CDH12: variants seen among roughly 807,000 people sequenced by gnomAD.
CDH12 encodes the protein cadherin-12.
Under a neutral mutation model 74.1 loss-of-function variants are expected in CDH12, and 41 were observed. The observed-to-expected ratio is 0.55, with a 90% confidence interval of 0.43 to 0.72. CDH12 has a LOEUF of 0.72. Among genes scored for constraint, CDH12 ranks in the 30% least tolerant of loss-of-function variants. CDH12 has a pLI of 0.00. For synonymous variants in CDH12, 399 were observed against 355.0 expected (o/e 1.12, Z -1.39); for missense variants, 945 against 977.2 (o/e 0.97, Z 0.44).
intron 1 of CDH12, among the ~76,000 whole-genome samples, chr5:22,698,733 ATAGTGTGT>A (rs1554059929): frequency 0.022 from 145 of 6,730 alleles, 30 homozygotes; most frequent in South Asian, 0.026. Context: ...ATATATATAT[ATAGTGTGT>A]GTGTGTGTGT....
chr5:22,343,183 G>C (rs1739950589), intron 3 of CDH12, among the ~76,000 whole-genome samples: 1 of 151,410 alleles, frequency 6.6e-6, no homozygotes, highest in African/African-American at 2.4e-5. Flanking sequence ...GTAGAACGTA[G>C]ACTAACATGG....
intron 5 of CDH12, among the ~76,000 whole-genome samples, chr5:21,995,344 T>C (rs917332811): frequency 1.3e-5 from 2 of 151,782 alleles, no homozygotes; most frequent in African/African-American, 2.4e-5. Flanking sequence ...TAAATTGATA[T>C]GCAAAGCCAA....
chr5:22,548,468 C>A lies in CDH12; in HGVS notation c.-522-43104G>T, dbSNP rs180969977. Among the ~76,000 whole-genome samples the A allele has an allele frequency of 5.8e-3, 861 of 148,842 alleles. 1 individual carries two copies. Among genetic ancestry groups the A allele is most frequent in the South Asian group, 0.012 (56 of 4,740 alleles). On this transcript the variant is annotated intron_variant, in intron 1 of 14. Transcript: ENST00000382254. Reference sequence around the variant, plus strand: ...TATCCAGTGCTTCCCAGATTTAAAACCCCTAGAAAATTAGAAAACTATCAT... The same window carrying A: ...TATCCAGTGCTTCCCAGATTTAAAAACCCTAGAAAATTAGAAAACTATCAT...
chr5:22,804,138 T>C (rs1748666816), intron 1 of CDH12, among the ~76,000 whole-genome samples: 1 of 152,168 alleles, frequency 6.6e-6, no homozygotes, highest in Non-Finnish European at 1.5e-5. Flanking sequence ...AGTTTTTTTT[T>C]ACATAACAAA....
intron 5 of CDH12, among the ~76,000 whole-genome samples, chr5:22,069,472 T>C (rs1414214185): frequency 3.9e-5 from 6 of 152,146 alleles, no homozygotes; most frequent in Admixed American, 3.9e-4. Flanking sequence ...GAGGTAGAAA[T>C]GAGTGTGATA....
intron 1 of CDH12, among the ~76,000 whole-genome samples, chr5:22,571,457 G>C (rs778500416): frequency 9.9e-5 from 15 of 152,114 alleles, no homozygotes; most frequent in Non-Finnish European, 1.8e-4. Context: ...ATCCTGAATA[G>C]CTGGGATTAC....
Position 22,114,173 on chromosome 5 carries a change from T to C in CDH12, c.-186-35311A>G, listed in dbSNP as rs73058306. ...TACCTAGTTGGGGTCTCAGCTATTCTACTTCCTATTATCAGTTCCCCGCAT... is the reference window on the plus strand; with the variant it reads ...TACCTAGTTGGGGTCTCAGCTATTCCACTTCCTATTATCAGTTCCCCGCAT... On this transcript the variant is annotated intron_variant, in intron 4 of 14. Transcript: ENST00000382254. Among the ~76,000 whole-genome samples the C allele has an allele frequency of 8.2e-3, 1,250 of 152,306 alleles. 19 individuals are homozygous for C. Among genetic ancestry groups the C allele is most frequent in the African/African-American group, 0.029 (1,202 of 41,562 alleles).
chr5:22,476,233 G>C (rs2126614370), intron 2 of CDH12, among the ~76,000 whole-genome samples: 1 of 152,122 alleles, frequency 6.6e-6, no homozygotes, highest in South Asian at 2.1e-4. Flanking sequence ...TAGGCAAACA[G>C]ATTGGTAATT....
In CDH12 at chr5:22,300,921, T is replaced by A. The variant is rs147471958; in HGVS notation, c.-332-88278A>T. 4.0e-3 allele frequency among the ~76,000 whole-genome samples: 611 copies of A among 152,326 alleles called. 8 individuals are homozygous for A. The highest frequency in any genetic ancestry group is 0.014 in the African/African-American group (580 of 41,578). On this transcript the variant is annotated intron_variant, in intron 3 of 14. Transcript: ENST00000382254. The stretch of plus-strand genomic sequence containing the variant: ...TTAAGCTAAATACGAATGCATTCAA[T>A]TAAACAATATTTAGTACATTTTCTA...
intron 5 of CDH12, among the ~76,000 whole-genome samples, chr5:22,046,856 G>C (rs10052526): frequency 6.6e-6 from 1 of 151,942 alleles, no homozygotes; most frequent in African/African-American, 2.4e-5. Context: ...TGAGCATCTC[G>C]TCATGTTTCC....
intron 1 of CDH12, among the ~76,000 whole-genome samples, chr5:22,643,034 G>A (rs1739232503): frequency 6.6e-6 from 1 of 152,078 alleles, no homozygotes; most frequent in South Asian, 2.1e-4. Context: ...TTCACAATGT[G>A]CCTATGAAGC....
chr5:22,314,874 A>G (rs1738545490), intron 3 of CDH12, among the ~76,000 whole-genome samples: 1 of 148,912 alleles, frequency 6.7e-6, no homozygotes, highest in Admixed American at 6.7e-5. Flanking sequence ...AAGAAAGATA[A>G]TATTTTTAAA....
chr5:21,808,354 C>T (rs960259489), intron 9 of CDH12, among the ~76,000 whole-genome samples: 1 of 151,880 alleles, frequency 6.6e-6, no homozygotes, highest in Non-Finnish European at 1.5e-5. Context: ...TGTATTACTT[C>T]AATTTTTATA....
intron 6 of CDH12, among the ~76,000 whole-genome samples, chr5:21,942,345 TATACACACAC>T (rs1193669632): frequency 1.0e-5 from 1 of 99,082 alleles, no homozygotes; most frequent in Non-Finnish European, 2.0e-5. Flanking sequence ...TATATATATA[TATACACACAC>T]ACACACACAC....
At chr5:22,674,033 C>G (rs747588804) in intron 1 of CDH12, among the ~76,000 whole-genome samples, 5 of 152,154 alleles carry the variant, frequency 3.3e-5, no homozygotes, top group Non-Finnish European at 5.9e-5. Flanking sequence ...ACAAAAATAA[C>G]AGAACAATTC....
intron 3 of CDH12, among the ~76,000 whole-genome samples, chr5:22,350,819 C>A (rs183245157): frequency 7.1e-4 from 108 of 152,146 alleles, no homozygotes; most frequent in Non-Finnish European, 1.1e-3. Context: ...TTATTATTAT[C>A]GAATAAGCAA....
chr5:22,596,644 C>T lies in CDH12; in HGVS notation c.-522-91280G>A, dbSNP rs115007728. Among the ~76,000 whole-genome samples, 1,214 of 152,224 alleles carry T rather than the reference C, an allele frequency of 8.0e-3. 14 individuals carry two copies. The highest frequency in any genetic ancestry group is 0.028 in the African/African-American group (1,175 of 41,540). On this transcript the variant is annotated intron_variant, in intron 1 of 14. Coordinates refer to ENST00000382254, the MANE Select transcript of CDH12 (RefSeq NM_004061.5). ...AAGTCCAGGGAAGTGTGATTCATTG[C>T]CTCACTGACTTTTTCTTATTTAATA... is the stretch of plus-strand genomic sequence containing the variant.
At chr5:21,961,133 G>A (rs191104230) in intron 6 of CDH12, among the ~76,000 whole-genome samples, 101 of 152,174 alleles carry the variant, frequency 6.6e-4, no homozygotes, top group African/African-American at 2.2e-3. Context: ...TTGAGCCGAT[G>A]ATTAAAATCT....
intron 1 of CDH12, among the ~76,000 whole-genome samples, chr5:22,833,506 C>T (rs1736705136): frequency 6.6e-6 from 1 of 152,108 alleles, no homozygotes; most frequent in African/African-American, 2.4e-5. Context: ...ACATTGAGTA[C>T]CTTACTGCTA....
Sources: allele counts gnomAD v4.1 joint callset (sites outside exome capture counted in the v4.1 genomes callset), GRCh38; gene constraint gnomAD v4.1.1; transcripts MANE v1.5; gene names NCBI Gene and HGNC (gene_info 2026-07-23, HGNC 2026-07-21).